ASB11: variants seen among roughly 807,000 people sequenced by gnomAD.
ASB11 encodes ankyrin repeat and SOCS box protein 11.
ASB11 carries 17 observed loss-of-function variants against 20.1 expected under a neutral mutation model. The observed-to-expected ratio is 0.85, with a 90% CI of 0.58 to 1.27. The LOEUF (loss-of-function observed/expected upper bound fraction) is 1.27, where lower values mean the gene tolerates loss of function less well. Among genes scored for constraint, ASB11 ranks in the 50% most tolerant of loss-of-function variants. ASB11 has a pLI of 0.00. For missense variants in ASB11, 259 were observed against 256.9 expected, an observed-to-expected ratio of 1.01 and a Z score of -0.06; for synonymous variants, 107 against 105.6, an observed-to-expected ratio of 1.01 and a Z score of -0.08.
chrX:15,287,913 C>CT lies in ASB11; in HGVS notation c.814dup (p.Ser272LysfsTer11). ...GAGCAAGAGTGCCTGCTCCACGCTG[C>CT]TTTTTGGAGCCGCCAGATCAAGCGC... On this transcript the variant is annotated frameshift_variant, in exon 6 of 7. Coordinates refer to ENST00000480796, the MANE Select transcript of ASB11 (RefSeq NM_080873.3). LOFTEE classifies it high-confidence loss of function. 9.1e-6 allele frequency: 11 copies of CT among 1,210,717 alleles called. No homozygotes were observed. The highest frequency in any genetic ancestry group is 1.2e-5 in the Non-Finnish European group (11 of 894,840).
In ASB11 at chrX:15,282,907, T is replaced by G. The variant is rs1282854113; in HGVS notation, c.*598A>C. On this transcript the variant is annotated 3_prime_UTR_variant, in exon 7 of 7. Coordinates refer to ENST00000480796, the MANE Select transcript of ASB11 (RefSeq NM_080873.3). Reference sequence around the variant, plus strand: ...ATATTAAGGACTTTGAAAACATATATGAACTATATATATTAAGGACTTTGA... The same window carrying G: ...ATATTAAGGACTTTGAAAACATATAGGAACTATATATATTAAGGACTTTGA... 2 of 106,123 alleles carry G rather than the reference T, an allele frequency of 1.9e-5. No individual in the cohort carries two copies. Among genetic ancestry groups the G allele is most frequent in the Admixed American group, 2.1e-4 (2 of 9,580 alleles). The allele number at this position is 106,123 out of a possible 1,213,427, so 8.7% of individuals were successfully genotyped here.
At chrX:15,284,173 A>G (rs371299066) in intron 6 of ASB11, among the ~76,000 whole-genome samples, 5 of 102,711 alleles carry the variant, frequency 4.9e-5, no homozygotes, top group South Asian at 4.5e-4. Context: ...AATGGCGTGA[A>G]CCCGGGAGGC....
Position 15,289,608 on chromosome X carries a change from G to A in ASB11, c.551C>T (p.Ala184Val). 8.3e-7 allele frequency: 1 copy of A among 1,210,497 alleles called. No individual in the cohort carries two copies. Among genetic ancestry groups the A allele is most frequent in the Non-Finnish European group, 1.1e-6 (1 of 894,481 alleles). ...CTCATGGTCAATGTTAACATTATTTGCCAGCAGGATCTCCATGCACTCTCT... is the reference window on the plus strand; with the variant it reads ...CTCATGGTCAATGTTAACATTATTTACCAGCAGGATCTCCATGCACTCTCT... Reference protein sequence around the residue: ...GHRECMEILLANNVNIDHEVP... With the variant: ...GHRECMEILLVNNVNIDHEVP... Residue 184 changes from alanine to valine, a missense_variant, in exon 5 of 7, where the codon GCA (alanine) becomes GTA (valine). Transcript: ENST00000480796.
At chrX:15,307,454 G>A (rs1198891478) in intron 1 of ASB11, among the ~76,000 whole-genome samples, 2 of 112,450 alleles carry the variant, frequency 1.8e-5, no homozygotes, top group African/African-American at 6.5e-5. Flanking sequence ...TTCTCATAAA[G>A]AGAATGTAAT....
At chrX:15,294,358 G>T (rs1307808262) in intron 3 of ASB11, among the ~76,000 whole-genome samples, 2 of 112,225 alleles carry the variant, frequency 1.8e-5, no homozygotes, top group Non-Finnish European at 3.8e-5. Flanking sequence ...CACAAAAAAA[G>T]ACTTGTTTCC....
chrX:15,293,467 T>C, intron 3 of ASB11, 147 bp from the exon 4 acceptor site: 1 of 682,430 alleles, frequency 1.5e-6, no homozygotes, highest in Non-Finnish European at 2.2e-6. Context: ...TTATGAAACC[T>C]CATGAAGTTA....
chrX:15,304,467 G>T (rs757616749), intron 1 of ASB11, among the ~76,000 whole-genome samples: 1 of 112,448 alleles, frequency 8.9e-6, no homozygotes, highest in Non-Finnish European at 1.9e-5. Context: ...ATAGATGTGC[G>T]TATATACGTA....
chrX:15,282,090 C>T lies in ASB11; in HGVS notation c.*1415G>A, dbSNP rs1171995776. 1.8e-5 allele frequency: 2 copies of T among 110,711 alleles called. No individual in the cohort carries two copies. The highest frequency in any genetic ancestry group is 3.8e-5 in the Non-Finnish European group (2 of 52,923). 9.1% of individuals were successfully genotyped at this position (110,711 alleles called of 1,213,427 possible). A position where few individuals can be genotyped will look rare whatever the true frequency, so the allele number is the denominator to read the frequency against. On this transcript the variant is annotated 3_prime_UTR_variant, in exon 7 of 7. Transcript: ENST00000480796. ...CGTCTAGATGATAGTAGCAATTCTC[C>T]CCCAGTTGTTGCAACTAAACATGTC...
intron 1 of ASB11, among the ~76,000 whole-genome samples, chrX:15,314,815 C>T (rs947888012): frequency 9.0e-6 from 1 of 110,801 alleles, no homozygotes; most frequent in Non-Finnish European, 1.9e-5. Flanking sequence ...GAAATGGACA[C>T]TATTCTCTAC....
rs759237773 is a variant in ASB11 at position 15,297,571 on chromosome X, C to CA, written c.369+2dup. On this transcript the variant is annotated splice_region_variant and intron_variant, in intron 3 of 6. Transcript: ENST00000480796. ...GACCCAAGTGGGCAGGGGCAGTACT[C>CA]ACGTGTGCACCATTTTCCAATAAGG... is the stretch of plus-strand genomic sequence containing the variant. 7 of 1,183,333 alleles carry CA rather than the reference C, an allele frequency of 5.9e-6. No homozygotes were observed. Among genetic ancestry groups the CA allele is most frequent in the Non-Finnish European group, 7.9e-6 (7 of 880,772 alleles).
intron 1 of ASB11, among the ~76,000 whole-genome samples, chrX:15,306,239 G>A (rs899188645): frequency 8.9e-6 from 1 of 112,275 alleles, no homozygotes; most frequent in Non-Finnish European, 1.9e-5. Context: ...ACATATGCAC[G>A]TATGTGTCCT....
At chrX:15,303,469 GT>G (rs980310259) in intron 1 of ASB11, among the ~76,000 whole-genome samples, 16 of 112,078 alleles carry the variant, frequency 1.4e-4, no homozygotes, top group Non-Finnish European at 2.8e-4. Flanking sequence ...CAGTGAAAAT[GT>G]TTTTTTCCCC....
intron 1 of ASB11, among the ~76,000 whole-genome samples, chrX:15,310,446 C>T (rs767691471): frequency 7.5e-4 from 84 of 111,810 alleles, no homozygotes; most frequent in Non-Finnish European, 1.3e-3. Context: ...ATGAGGTGTA[C>T]GGAAAATGTT....
rs2147679750 is a variant in ASB11 at position 15,282,807 on chromosome X, T to C, written c.*698A>G. The C allele has an allele frequency of 9.3e-6, 1 of 107,026 alleles. No individual in the cohort carries two copies. Among genetic ancestry groups the C allele is most frequent in the East Asian group, 2.8e-4 (1 of 3,512 alleles). The allele number at this position is 107,026 out of a possible 1,213,427, so 8.8% of individuals were successfully genotyped here. On this transcript the variant is annotated 3_prime_UTR_variant, in exon 7 of 7. Coordinates refer to ENST00000480796, the MANE Select transcript of ASB11 (RefSeq NM_080873.3). ...CCTTAACTTTATATATGTATATATA[T>C]ATAAAGTCTATATAAATATATATAA...
chrX:15,287,272 G>A (rs867922337), intron 6 of ASB11, among the ~76,000 whole-genome samples: 32 of 112,936 alleles, frequency 2.8e-4, no homozygotes, highest in African/African-American at 6.1e-4. Flanking sequence ...TCAATCATAC[G>A]CTTATGCCAG....
intron 1 of ASB11, among the ~76,000 whole-genome samples, chrX:15,311,311 C>T (rs1012596577): frequency 8.9e-6 from 1 of 112,241 alleles, no homozygotes; most frequent in Admixed American, 9.4e-5. Context: ...CTCTTAAGGG[C>T]GGGAGAGCTG....
chrX:15,286,875 C>T (rs1053367096), intron 6 of ASB11, among the ~76,000 whole-genome samples: 5 of 111,334 alleles, frequency 4.5e-5, no homozygotes, highest in African/African-American at 1.6e-4. Flanking sequence ...AAATTTAGCC[C>T]AGTGCCTGGC....
intron 1 of ASB11, among the ~76,000 whole-genome samples, chrX:15,310,326 T>G (rs1021030390): frequency 8.9e-6 from 1 of 112,282 alleles, no homozygotes; most frequent in African/African-American, 3.2e-5. Context: ...GACTCAATCA[T>G]TCTCTTCTAA....
Position 15,315,559 on chromosome X carries a change from G to T in ASB11, c.47C>A (p.Thr16Lys). ...VFYGFKNIFI[T>K]MFATFFFFKL... is the part of the protein sequence containing the mutation. ...AAAGAAAAAAAACGTAGCAAACATT[G>T]TAATAAAAATGTTTTTAAAGCCATA... The change falls in exon 1 of 7, where the codon ACA becomes AAA. Residue 16 changes from threonine to lysine, a missense_variant. Physicochemically the swap from Thr to Lys is moderately conservative, Grantham distance 78. Coordinates refer to ENST00000480796, the MANE Select transcript of ASB11 (RefSeq NM_080873.3). 5 of 1,190,553 alleles carry T rather than the reference G, an allele frequency of 4.2e-6. No homozygotes were observed. Among genetic ancestry groups the T allele is most frequent in the Non-Finnish European group, 5.6e-6 (5 of 886,660 alleles).
Sources: gnomAD v4.1 joint callset for allele counts (sites outside exome capture counted in the v4.1 genomes callset) on GRCh38, gnomAD v4.1.1 for gene constraint, MANE v1.5 for transcripts, NCBI Gene and HGNC (gene_info 2026-07-23, HGNC 2026-07-21) for gene names.